The following FHIT variants were observed in gnomAD, a reference collection of about 807,000 sequenced individuals.
FHIT encodes the protein bis(5'-adenosyl)-triphosphatase.
Under a neutral mutation model 17.9 loss-of-function variants are expected in FHIT, and 19 were observed. The ratio of observed to expected loss-of-function variants is 1.06; its 90% CI spans 0.74 to 1.56. FHIT has a LOEUF of 1.56. FHIT is among the 40% of genes most tolerant of loss of function. FHIT has a pLI of 0.00. For missense variants in FHIT, 248 were observed against 189.2 expected (o/e 1.31, Z -1.82); for synonymous variants, 81 against 69.7 (o/e 1.16, Z -0.81).
chr3:60,408,327 C>T (rs1322509175), intron 5 of FHIT, among the ~76,000 whole-genome samples: 1 of 152,076 alleles, frequency 6.6e-6, no homozygotes, highest in African/African-American at 2.4e-5. Flanking sequence ...CCAACAAAGT[C>T]CCATTGTCAG....
At chr3:61,110,094 A>C (rs1045551820) in intron 2 of FHIT, among the ~76,000 whole-genome samples, 7 of 152,088 alleles carry the variant, frequency 4.6e-5, no homozygotes, top group Non-Finnish European at 1.5e-5. Context: ...GTCAGGTAAC[A>C]TCCCTCCTCT....
intron 8 of FHIT, among the ~76,000 whole-genome samples, chr3:59,905,604 GT>G (rs1183590549): frequency 1.3e-5 from 2 of 152,084 alleles, no homozygotes; most frequent in Non-Finnish European, 2.9e-5. Context: ...TTAAAAAATG[GT>G]TTTGTTTCAA....
intron 4 of FHIT, among the ~76,000 whole-genome samples, chr3:60,640,837 A>G (rs1292498788): frequency 3.3e-5 from 5 of 152,206 alleles, no homozygotes; most frequent in Non-Finnish European, 5.9e-5. Context: ...ATACTAAAGT[A>G]TTTATAGGTG....
At chr3:60,357,367 T>C (rs889368102) in intron 5 of FHIT, among the ~76,000 whole-genome samples, 4 of 151,974 alleles carry the variant, frequency 2.6e-5, no homozygotes, top group African/African-American at 7.3e-5. Context: ...GCACCCATTC[T>C]TGAGTAGCTG....
chr3:59,926,607 G>C (rs968797974), intron 7 of FHIT, among the ~76,000 whole-genome samples: 1 of 152,202 alleles, frequency 6.6e-6, no homozygotes, highest in African/African-American at 2.4e-5. Context: ...GAGAGGGTAA[G>C]TTCCAACAGC....
chr3:61,168,595 T>TC (rs1303777238), intron 2 of FHIT, among the ~76,000 whole-genome samples: 1 of 152,182 alleles, frequency 6.6e-6, no homozygotes, highest in Non-Finnish European at 1.5e-5. Context: ...CCACCAGCAC[T>TC]CTCAGAATGG....
At chr3:60,703,691 T>C (rs1406800283) in intron 4 of FHIT, among the ~76,000 whole-genome samples, 2 of 152,190 alleles carry the variant, frequency 1.3e-5, no homozygotes, top group African/African-American at 2.4e-5. Flanking sequence ...ATTTTCTCTA[T>C]AGTCTTGAAT....
At chr3:60,103,992 C>T (rs898178718) in intron 5 of FHIT, among the ~76,000 whole-genome samples, 1 of 152,134 alleles carries the variant, frequency 6.6e-6, no homozygotes, top group African/African-American at 2.4e-5. Flanking sequence ...TTCCTATGCT[C>T]CTATCAGATA....
chr3:60,779,697 C>T (rs1700319931), intron 4 of FHIT, among the ~76,000 whole-genome samples: 1 of 151,864 alleles, frequency 6.6e-6, no homozygotes, highest in Non-Finnish European at 1.5e-5. Flanking sequence ...ACATTTTTGT[C>T]CCAGACTGAA....
At chr3:60,565,967 T>C (rs1478149393) in intron 4 of FHIT, among the ~76,000 whole-genome samples, 1 of 152,196 alleles carries the variant, frequency 6.6e-6, no homozygotes, top group Non-Finnish European at 1.5e-5. Context: ...TGTGTCTTTG[T>C]TCTCATTGGT....
intron 5 of FHIT, among the ~76,000 whole-genome samples, chr3:60,099,225 T>G (rs1203811693): frequency 2.0e-5 from 3 of 152,294 alleles, no homozygotes; most frequent in African/African-American, 7.2e-5. Context: ...TTGCTCTGTT[T>G]ACCTCTTGAT....
At chr3:60,201,248 G>T (rs1702890060) in intron 5 of FHIT, among the ~76,000 whole-genome samples, 1 of 151,868 alleles carries the variant, frequency 6.6e-6, no homozygotes, top group African/African-American at 2.4e-5. Context: ...GGCTCCCAAT[G>T]GTATCTTATA....
At chr3:60,563,798 T>C (rs1205934569) in intron 4 of FHIT, among the ~76,000 whole-genome samples, 1 of 152,100 alleles carries the variant, frequency 6.6e-6, no homozygotes, top group African/African-American at 2.4e-5. Context: ...CTAGCAGAGA[T>C]TGGTCATGAG....
At chr3:60,322,271 C>T (rs1461277527) in intron 5 of FHIT, among the ~76,000 whole-genome samples, 2 of 152,302 alleles carry the variant, frequency 1.3e-5, no homozygotes, top group East Asian at 3.9e-4. Context: ...TAGTACATCA[C>T]ATTGGTTTTA....
chr3:60,278,277 G>C (rs1054816846), intron 5 of FHIT, among the ~76,000 whole-genome samples: 1 of 152,198 alleles, frequency 6.6e-6, no homozygotes, highest in Non-Finnish European at 1.5e-5. Flanking sequence ...CATTTTGGAA[G>C]TTTCCCAGAT....
intron 8 of FHIT, among the ~76,000 whole-genome samples, chr3:59,915,675 C>T (rs1705099948): frequency 6.6e-6 from 1 of 152,202 alleles, no homozygotes; most frequent in African/African-American, 2.4e-5. Context: ...CACAGTGGCT[C>T]ATGCCTATAA....
intron 5 of FHIT, among the ~76,000 whole-genome samples, chr3:60,312,085 T>C (rs1458417989): frequency 6.6e-6 from 1 of 152,230 alleles, no homozygotes; most frequent in African/African-American, 2.4e-5. Flanking sequence ...TAAACACTGT[T>C]TGGTGAAACC....
intron 4 of FHIT, among the ~76,000 whole-genome samples, chr3:60,701,483 G>A (rs144356969): frequency 6.6e-6 from 1 of 152,138 alleles, no homozygotes; most frequent in Non-Finnish European, 1.5e-5. Flanking sequence ...GGGTCGGAAA[G>A]GGGGGAGTGC....
intron 8 of FHIT, among the ~76,000 whole-genome samples, chr3:59,911,405 GA>G (rs1302335928): frequency 1.3e-5 from 2 of 152,180 alleles, no homozygotes; most frequent in African/African-American, 2.4e-5. Context: ...TTCCATACAT[GA>G]AGGTGTGTGT....
Sources: gnomAD v4.1 joint callset for allele counts (sites outside exome capture counted in the v4.1 genomes callset) on GRCh38, gnomAD v4.1.1 for gene constraint, MANE v1.5 for transcripts, NCBI Gene and HGNC (gene_info 2026-07-23, HGNC 2026-07-21) for gene names.